Variants in MKRN2OS observed in about 807,000 individuals in gnomAD.
MKRN2OS encodes the protein MKRN2 opposite strand, also known as MKRN2 opposite strand protein.
In MKRN2OS, 17 loss-of-function variants were observed where a neutral mutation model predicts 18.2. The ratio of observed to expected loss-of-function variants is 0.93; its 90% confidence interval spans 0.64 to 1.40. MKRN2OS has a LOEUF of 1.40. MKRN2OS is among the 40% of genes most tolerant of loss of function. The probability of loss-of-function intolerance (pLI) is 0.00; values close to 1 mark genes in which losing one functional copy is unlikely to be tolerated. For missense variants in MKRN2OS, 337 were observed against 283.0 expected (o/e 1.19, Z -1.37); for synonymous variants, 121 against 108.5 (o/e 1.12, Z -0.72).
upstream of MKRN2OS, chr3:12,545,639 CTG>C (rs1395015362): frequency 2.1e-6 from 1 of 471,726 alleles, no homozygotes; most frequent in Non-Finnish European, 3.7e-6. Flanking sequence ...TCCCCATAGA[CTG>C]TATCTTAAAG....
At chr3:12,550,491 A>G (rs556016185), upstream of MKRN2OS, among the ~76,000 whole-genome samples, 9 of 152,348 alleles carry the variant, frequency 5.9e-5, no homozygotes, top group East Asian at 1.5e-3. Flanking sequence ...ATATGTCATT[A>G]TACATTTGTC....
intron 1 of MKRN2OS, among the ~76,000 whole-genome samples, chr3:12,559,068 T>C (rs1415392068): frequency 6.6e-6 from 1 of 152,172 alleles, no homozygotes. Flanking sequence ...GCAGGACTTA[T>C]CAAAGCTTTT....
At chr3:12,545,542 C>T (rs916811713), upstream of MKRN2OS, 3 of 1,113,538 alleles carry the variant, frequency 2.7e-6, no homozygotes, top group Admixed American at 2.7e-5. Flanking sequence ...GAATGCACAC[C>T]GCCCCAAGGA....
At chr3:12,543,101 G>A in intron 2 of MKRN2OS, 79 bp downstream of exon 2, 1 of 1,157,902 alleles carries the variant, frequency 8.6e-7, no homozygotes, top group Non-Finnish European at 1.2e-6. Context: ...ATTAGATGTT[G>A]CCATAATCAA....
chr3:12,550,710 C>T (rs991337221), downstream of MKRN2OS, among the ~76,000 whole-genome samples: 1 of 152,200 alleles, frequency 6.6e-6, no homozygotes, highest in South Asian at 2.1e-4. Flanking sequence ...CTGCCTTATG[C>T]CCCTCAGTCG....
rs1253263681 is a variant in MKRN2OS at position 12,557,106 on chromosome 3, C to G, written n.265-2972G>C. On this transcript the variant is annotated intron_variant and non_coding_transcript_variant, in intron 1 of 1. Transcript: ENST00000447550. ...AGGGCCAAGGCCGAGGCGGCAGCGG[C>G]TGCGAGAGGCGGCGGCACGACGACG... 1.3e-6 allele frequency: 2 copies of G among 1,487,810 alleles called. 1 individual carries two copies. Among genetic ancestry groups the G allele is most frequent in the South Asian group, 2.5e-5 (2 of 79,098 alleles). 92.2% of individuals were successfully genotyped at this position (1,487,810 alleles called of 1,614,324 possible).
intron 2 of MKRN2OS, 82 bp downstream of exon 2, chr3:12,543,098 G>T: frequency 2.7e-6 from 3 of 1,129,732 alleles, no homozygotes; most frequent in Non-Finnish European, 3.8e-6. Flanking sequence ...CTTATTAGAT[G>T]TTGCCATAAT....
chr3:12,544,314 T>C (rs1208128080), intron 1 of MKRN2OS, among the ~76,000 whole-genome samples: 1 of 152,178 alleles, frequency 6.6e-6, no homozygotes, highest in Non-Finnish European at 1.5e-5. Flanking sequence ...CTATGACCCA[T>C]GCTCACCTAA....
intron 3 of MKRN2OS, among the ~76,000 whole-genome samples, chr3:12,541,522 A>G (rs1314114874): frequency 2.0e-5 from 3 of 152,040 alleles, no homozygotes; most frequent in African/African-American, 4.8e-5. Flanking sequence ...CCCAGCCTGA[A>G]TATTGTTTTT....
Position 12,545,385 on chromosome 3 carries a change from T to C in MKRN2OS, c.80A>G (p.Gln27Arg). The C allele has an allele frequency of 6.5e-7, 1 of 1,535,980 alleles. No individual in the cohort carries two copies. The highest frequency in any genetic ancestry group is 1.2e-5 in the South Asian group (1 of 84,046). The change falls in exon 1 of 4, where the codon CAG (glutamine) becomes CGG (arginine). Residue 27 changes from glutamine (Q) to arginine (R), a missense_variant. Gln to Arg is a conservative substitution (Grantham distance 43). Coordinates refer to ENST00000564146, the MANE Select transcript of MKRN2OS (RefSeq NM_001195279.2). ...GTCCTGCTGGCAGAGAGGGCAGCAC[T>C]GGGGCACACTGAAGCTGTAGATGTA... ...EKYIYSFSVP[Q>R]CCPLCQQDLG...
chr3:12,556,275 C>G (rs1265835538), intron 1 of MKRN2OS, among the ~76,000 whole-genome samples: 1 of 150,390 alleles, frequency 6.6e-6, no homozygotes, highest in South Asian at 2.1e-4. Context: ...CGCTTGAACC[C>G]GGGAGGCGGA....
chr3:12,549,026 C>T (rs1005142345), upstream of MKRN2OS, among the ~76,000 whole-genome samples: 2 of 152,144 alleles, frequency 1.3e-5, no homozygotes, highest in Admixed American at 1.3e-4. Context: ...CCTCCACCTC[C>T]CAGGTTGAAG....
chr3:12,555,849 G>C (rs2057964707), intron 1 of MKRN2OS, among the ~76,000 whole-genome samples: 1 of 152,194 alleles, frequency 6.6e-6, no homozygotes, highest in African/African-American at 2.4e-5. Flanking sequence ...GTTTAGTCGA[G>C]CATGGTGTCG....
chr3:12,542,737 C>T (rs973905670), intron 2 of MKRN2OS, among the ~76,000 whole-genome samples: 1 of 142,690 alleles, frequency 7.0e-6, no homozygotes, highest in East Asian at 2.1e-4. Context: ...AAAAAAAACA[C>T]TGCAGGCCCC....
chr3:12,555,104 G>A (rs2057957123), intron 1 of MKRN2OS, among the ~76,000 whole-genome samples: 1 of 152,176 alleles, frequency 6.6e-6, no homozygotes, highest in East Asian at 1.9e-4. Flanking sequence ...GAGCTCAGAA[G>A]TTCGAGACCA....
chr3:12,552,868 C>T (rs2057939579), downstream of MKRN2OS, among the ~76,000 whole-genome samples: 1 of 151,620 alleles, frequency 6.6e-6, no homozygotes, highest in Non-Finnish European at 1.5e-5. Flanking sequence ...ACAAAAAATA[C>T]AAAAATTGGC....
At chr3:12,545,044 T>C (rs1208600525) in intron 1 of MKRN2OS, among the ~76,000 whole-genome samples, 3 of 152,132 alleles carry the variant, frequency 2.0e-5, no homozygotes, top group Admixed American at 6.6e-5. Flanking sequence ...ACATATATTC[T>C]TGCACTTGTC....
rs559997695 is a variant in MKRN2OS, at chr3:12,545,226, A to C, written c.218+21T>G. On this transcript the variant is annotated intron_variant, in intron 1 of 3. Coordinates refer to ENST00000564146, the MANE Select transcript of MKRN2OS (RefSeq NM_001195279.2). ...GGAAAAGTTTGCACAATGCAATTTA[A>C]CACTGTAAAAAACACTGTACCTAAG... is the stretch of plus-strand genomic sequence containing the variant. The C allele has an allele frequency of 1.2e-5, 18 of 1,496,594 alleles. No individual in the cohort carries two copies. The African/African-American group carries it at 2.2e-4, about 18-fold the overall frequency. 92.7% of individuals were successfully genotyped at this position (1,496,594 alleles called of 1,614,324 possible).
Position 12,542,728 on chromosome 3 carries a change from A to AC in MKRN2OS, c.268+451_268+452insG, listed in dbSNP as rs1228892558. Among the ~76,000 whole-genome samples the AC allele has an allele frequency of 8.7e-5, 6 of 68,804 alleles. 1 individual carries two copies. Among genetic ancestry groups the AC allele is most frequent in the South Asian group, 7.5e-4 (3 of 3,988 alleles). 45.1% of individuals were successfully genotyped at this position (68,804 alleles called of 152,430 possible). A position where few individuals can be genotyped will look rare whatever the true frequency, so the allele number is the denominator to read the frequency against. ...ACTTTCCTTAAAAAAAAAAAAAAAA[A>AC]AAAAAACACTGCAGGCCCCACCACA... On this transcript the variant is annotated intron_variant, in intron 2 of 3. Transcript: ENST00000564146.
Sources: allele counts gnomAD v4.1 joint callset (sites outside exome capture counted in the v4.1 genomes callset), GRCh38; gene constraint gnomAD v4.1.1; transcripts MANE v1.5; gene names NCBI Gene and HGNC (gene_info 2026-07-23, HGNC 2026-07-21).